FBXO25: variants seen among roughly 807,000 people sequenced by gnomAD.
FBXO25 encodes F-box only protein 25.
A neutral mutation model predicts 51.9 loss-of-function variants in FBXO25; 45 were observed. The ratio of observed to expected loss-of-function variants is 0.87; its 90% CI spans 0.68 to 1.11. FBXO25 has a LOEUF of 1.11. Among genes scored for constraint, FBXO25 ranks in the 50% most tolerant of loss-of-function variants. The pLI, the probability that FBXO25 is intolerant of heterozygous loss-of-function variation, is 0.00. For synonymous variants in FBXO25, 199 were observed against 151.0 expected, an observed-to-expected ratio of 1.32 and a Z score of -2.33; for missense variants, 507 against 428.5, an observed-to-expected ratio of 1.18 and a Z score of -1.62.
At chr8:427,090 G>T (rs1308839911) in intron 2 of FBXO25, among the ~76,000 whole-genome samples, 1 of 151,936 alleles carries the variant, frequency 6.6e-6, no homozygotes. Context: ...AAAATAATAC[G>T]ACCTGATTGG....
chr8:450,037 G>A lies in FBXO25; in HGVS notation c.429G>A (p.Val143=). Residue 143 remains valine, a synonymous_variant, in exon 6 of 10, where the codon GTG becomes GTA. Coordinates refer to ENST00000350302, the MANE Select transcript of FBXO25 (RefSeq NM_183420.2). The part of the protein sequence containing the change: ...AKSQLTSLSG[V]AQKNYFNILD... ...CCCAGTTAACTTCATTGAGTGGCGT[G>A]GCACAGAAGAATTACTTCAACATTT... 1 of 1,612,878 alleles carries A rather than the reference G, an allele frequency of 6.2e-7. No individual in the cohort carries two copies. The highest frequency in any genetic ancestry group is 8.5e-7 in the Non-Finnish European group (1 of 1,179,556).
chr8:468,059 C>T (rs1800300451), intron 9 of FBXO25: 27 of 1,191,122 alleles, frequency 2.3e-5, no homozygotes, highest in Non-Finnish European at 2.5e-5. Flanking sequence ...AGATCCAGCA[C>T]TGACCCCAGA....
rs1057384575 is a variant in FBXO25, at chr8:477,715, G to A, written c.*8911G>A. 2.0e-5 allele frequency: 3 copies of A among 152,360 alleles called. No individual in the cohort carries two copies. Among genetic ancestry groups the A allele is most frequent in the African/African-American group, 4.8e-5 (2 of 41,454 alleles). The allele number at this position is 152,360 out of a possible 1,614,324, so 9.4% of individuals were successfully genotyped here. A position where few individuals can be genotyped will look rare whatever the true frequency, so the allele number is the denominator to read the frequency against. On this transcript the variant is annotated 3_prime_UTR_variant, in exon 10 of 10. Coordinates refer to ENST00000350302, the MANE Select transcript of FBXO25 (RefSeq NM_183420.2). ...AGTGGCATGAAGCCGCCACCAGGGG[G>A]CCACGCACCAGTGCATGTGGCTGTG...
intron 2 of FBXO25, among the ~76,000 whole-genome samples, chr8:422,575 C>G (rs1261142908): frequency 6.6e-6 from 1 of 152,136 alleles, no homozygotes; most frequent in Non-Finnish European, 1.5e-5. Flanking sequence ...GGTGTTGATC[C>G]TTGTTCTATG....
In FBXO25 at chr8:475,119, A is replaced by G; in HGVS notation, c.*6315A>G. ...AGCTCTTAGTTTAGGCCTTTGATCT[A>G]TTTTAATTTTTATATATGGTGTGAG... On this transcript the variant is annotated 3_prime_UTR_variant, in exon 10 of 10. Coordinates refer to ENST00000350302, the MANE Select transcript of FBXO25 (RefSeq NM_183420.2). The G allele has an allele frequency of 2.8e-6, 1 of 361,554 alleles. No homozygotes were observed. Among genetic ancestry groups the G allele is most frequent in the Non-Finnish European group, 5.3e-6 (1 of 187,120 alleles). The allele number at this position is 361,554 out of a possible 1,614,324, so 22.4% of individuals were successfully genotyped here.
chr8:467,581 T>C (rs1373201808), intron 9 of FBXO25: 2 of 848,120 alleles, frequency 2.4e-6, no homozygotes, highest in Non-Finnish European at 3.8e-6. Context: ...AGTTACCTGA[T>C]GTTTTTAGTT....
chr8:460,753 A>G (rs989373903), intron 8 of FBXO25, among the ~76,000 whole-genome samples: 1 of 152,256 alleles, frequency 6.6e-6, no homozygotes, highest in Non-Finnish European at 1.5e-5. Context: ...GTCTCTAGGA[A>G]CTATTGTTTT....
rs1457481117 is a variant in FBXO25 at position 468,739 on chromosome 8, G to T, written c.1012G>T (p.Ala338Ser). The change falls in exon 10 of 10, where the codon GCC (alanine) becomes TCC (serine). Residue 338 changes from alanine to serine, a missense_variant. Transcript: ENST00000350302. Reference sequence around the variant, plus strand: ...GGACTCAGGACACCCCTGCACGGCGGCCGACCCTGACAGCTGCTTCACGCC... The same window carrying T: ...GGACTCAGGACACCCCTGCACGGCGTCCGACCCTGACAGCTGCTTCACGCC... ...WKDSGHPCTAADPDSCFTPVS... is the reference protein window; with the variant it reads ...WKDSGHPCTASDPDSCFTPVS... 1.2e-6 allele frequency: 2 copies of T among 1,613,948 alleles called. No homozygotes were observed. The highest frequency in any genetic ancestry group is 3.3e-5 in the Admixed American group (2 of 60,008).
Position 473,379 on chromosome 8 carries a change from C to T in FBXO25, c.*4575C>T, listed in dbSNP as rs1490008011. 6.6e-6 allele frequency: 1 copy of T among 152,292 alleles called. No individual in the cohort carries two copies. Among genetic ancestry groups the T allele is most frequent in the East Asian group, 1.9e-4 (1 of 5,196 alleles). 9.4% of individuals were successfully genotyped at this position (152,292 alleles called of 1,614,324 possible). ...CACCTGCACATGCACCCCCAGCAGT[C>T]CTCTCTAAACTCAGGCAGTGTATGG... On this transcript the variant is annotated 3_prime_UTR_variant, in exon 10 of 10. Coordinates refer to ENST00000350302, the MANE Select transcript of FBXO25 (RefSeq NM_183420.2).
intron 7 of FBXO25, among the ~76,000 whole-genome samples, chr8:454,912 A>G (rs1166968862): frequency 7.1e-6 from 1 of 140,286 alleles, no homozygotes; most frequent in Admixed American, 6.9e-5. Context: ...AAGAAAAAGA[A>G]AACAAAGAAT....
At chr8:413,608 G>C (rs1373274543) in intron 2 of FBXO25, among the ~76,000 whole-genome samples, 1 of 152,154 alleles carries the variant, frequency 6.6e-6, no homozygotes, top group Non-Finnish European at 1.5e-5. Context: ...TGATGACTTT[G>C]CTCGTAACAT....
rs941459831 is a variant in FBXO25 at position 468,912 on chromosome 8, C to T, written c.*108C>T. The T allele has an allele frequency of 8.8e-6, 9 of 1,027,334 alleles. No homozygotes were observed. Among genetic ancestry groups the T allele is most frequent in the Admixed American group, 2.8e-5 (1 of 35,410 alleles). The allele number at this position is 1,027,334 out of a possible 1,614,324, so 63.6% of individuals were successfully genotyped here. A position where few individuals can be genotyped will look rare whatever the true frequency, so the allele number is the denominator to read the frequency against. On this transcript the variant is annotated 3_prime_UTR_variant, in exon 10 of 10. Coordinates refer to ENST00000350302, the MANE Select transcript of FBXO25 (RefSeq NM_183420.2). The stretch of plus-strand genomic sequence containing the variant: ...GGAGACTCCTCGGAAGCCCCTGCTT[C>T]CAGAAAGCCTGGGAAGAACTGCCCT...
intron 8 of FBXO25, 49 bp downstream of exon 8, chr8:458,600 T>C (rs375165485): frequency 5.7e-6 from 9 of 1,579,612 alleles, no homozygotes; most frequent in African/African-American, 2.7e-5. Flanking sequence ...TTATAGACTC[T>C]GCCTGGGGGC....
chr8:440,034 T>A (rs1252962086), intron 5 of FBXO25, among the ~76,000 whole-genome samples: 2 of 152,216 alleles, frequency 1.3e-5, no homozygotes, highest in Non-Finnish European at 2.9e-5. Context: ...AGCAGCAGCC[T>A]CACAGCAGCG....
chr8:463,490 C>T (rs927385796), intron 9 of FBXO25, among the ~76,000 whole-genome samples: 1 of 152,230 alleles, frequency 6.6e-6, no homozygotes, highest in African/African-American at 2.4e-5. Context: ...TGTGACCCCT[C>T]TGCCCATCTG....
intron 6 of FBXO25, chr8:450,898 C>G (rs1554444478): frequency 5.0e-6 from 1 of 199,606 alleles, no homozygotes; most frequent in East Asian, 1.5e-4. Context: ...CTCATACCAC[C>G]TTAAACACTG....
At chr8:431,040 A>G (rs558772932) in intron 2 of FBXO25, among the ~76,000 whole-genome samples, 51 of 152,308 alleles carry the variant, frequency 3.3e-4, no homozygotes, top group African/African-American at 1.2e-3. Flanking sequence ...GAGTTTTAAT[A>G]GTTGTTTTTT....
chr8:449,747 T>C (rs1485698111), intron 5 of FBXO25, among the ~76,000 whole-genome samples: 1 of 152,194 alleles, frequency 6.6e-6, no homozygotes, highest in Non-Finnish European at 1.5e-5. Flanking sequence ...ACTAACTAAA[T>C]GAATAGCCTG....
chr8:408,325 T>TA (rs199946939), intron 1 of FBXO25, among the ~76,000 whole-genome samples: 49,993 of 146,482 alleles, frequency 0.34, 8,680 homozygotes, highest in Middle Eastern at 0.42. Context: ...TAATAGACGG[T>TA]AAAAAAAAAA....
Sources: allele counts gnomAD v4.1 joint callset (sites outside exome capture counted in the v4.1 genomes callset), GRCh38; gene constraint gnomAD v4.1.1; transcripts MANE v1.5; gene names NCBI Gene and HGNC (gene_info 2026-07-23, HGNC 2026-07-21).